SLC2A5: variants seen among roughly 807,000 people sequenced by gnomAD.
The protein encoded by SLC2A5 is solute carrier family 2, facilitated glucose transporter member 5.
In SLC2A5, 56 loss-of-function variants were observed where a neutral mutation model predicts 50.3. The observed-to-expected ratio is 1.11, with a 90% CI of 0.90 to 1.39. SLC2A5 has a LOEUF of 1.39. SLC2A5 is among the 40% of genes most tolerant of loss of function. SLC2A5 has a pLI of 0.00. For missense variants in SLC2A5, 566 were observed against 650.1 expected, an observed-to-expected ratio of 0.87 and a Z score of 1.41; for synonymous variants, 269 against 281.9, an observed-to-expected ratio of 0.95 and a Z score of 0.46.
chr1:9,042,575 T>C (rs201795303), intron 4 of SLC2A5, among the ~76,000 whole-genome samples: 2 of 37,916 alleles, frequency 5.3e-5, no homozygotes, highest in Non-Finnish European at 8.9e-5. Flanking sequence ...TGTGTGTACA[T>C]ATATATATAT....
At chr1:9,071,508 C>T (rs561227675), upstream of SLC2A5, among the ~76,000 whole-genome samples, 6 of 152,370 alleles carry the variant, frequency 3.9e-5, no homozygotes, top group South Asian at 1.2e-3. Flanking sequence ...AGATCTTCCA[C>T]TTCTCCCTGC....
rs1013802865 is a variant in SLC2A5, at chr1:9,038,931, T to A, written c.997-2A>T. ...ACCCAGGAGCTCCACCACGAACACC[T>A]ACAGGAGGGTGGCAGGGCTCAGGCG... On this transcript the variant is annotated splice_acceptor_variant, in intron 8 of 11. Coordinates refer to ENST00000377424, the MANE Select transcript of SLC2A5 (RefSeq NM_003039.3). LOFTEE classifies it high-confidence loss of function. 7.4e-6 allele frequency: 12 copies of A among 1,611,638 alleles called. No homozygotes were observed. Among genetic ancestry groups the A allele is most frequent in the Admixed American group, 3.3e-5 (2 of 59,850 alleles).
intron 2 of SLC2A5, among the ~76,000 whole-genome samples, chr1:9,079,767 G>A (rs12735499): frequency 0.28 from 41,964 of 152,080 alleles, 6,402 homozygotes; most frequent in East Asian, 0.49. Context: ...GATTACAGGC[G>A]TGAGCCACCA....
Position 9,040,440 on chromosome 1 carries a change from G to A in SLC2A5, c.572-251C>T. The stretch of plus-strand genomic sequence containing the variant: ...ACGAGGCCGGTAATACCATGTGCTG[G>A]TGAGAACGTCCCCGTGTCCTTCAGA... On this transcript the variant is annotated intron_variant, in intron 5 of 11. Transcript: ENST00000377424. This position sits in a 1 kb window ranked among gnomAD's most constrained non-coding sequence, Gnocchi z 4.3. 2.0e-6 allele frequency: 1 copy of A among 510,642 alleles called. No homozygotes were observed. Among genetic ancestry groups the A allele is most frequent in the Non-Finnish European group, 3.5e-6 (1 of 286,266 alleles). 31.6% of individuals were successfully genotyped at this position (510,642 alleles called of 1,614,324 possible).
intron 2 of SLC2A5, among the ~76,000 whole-genome samples, chr1:9,084,573 G>A (rs984536373): frequency 2.0e-5 from 3 of 152,070 alleles, no homozygotes; most frequent in African/African-American, 7.2e-5. Context: ...AATCAGCCCC[G>A]GGCCCACCAT....
intron 1 of SLC2A5, among the ~76,000 whole-genome samples, chr1:9,064,609 G>A (rs987328834): frequency 2.2e-4 from 34 of 152,186 alleles, no homozygotes; most frequent in African/African-American, 8.0e-4. Flanking sequence ...GGCCAGCAAA[G>A]CACTGAAATA....
At chr1:9,066,488 G>C (rs1283512147) in intron 1 of SLC2A5, among the ~76,000 whole-genome samples, 1 of 152,238 alleles carries the variant, frequency 6.6e-6, no homozygotes, top group Non-Finnish European at 1.5e-5. Context: ...GCTTGCCTCG[G>C]CCTCCCAAAC....
the SLC2A5 span, among the ~76,000 whole-genome samples, chr1:9,094,154 C>G: frequency 6.6e-6 from 1 of 152,188 alleles, no homozygotes; most frequent in Admixed American, 6.5e-5. Context: ...CTCTGACCAT[C>G]ACACTCACCC....
chr1:9,049,714 A>G (rs1641523191), intron 3 of SLC2A5, among the ~76,000 whole-genome samples: 1 of 151,852 alleles, frequency 6.6e-6, no homozygotes, highest in South Asian at 2.1e-4. Context: ...AAAAAAAAAA[A>G]AAAAGAATAG....
chr1:9,036,330 T>C lies in SLC2A5; in HGVS notation c.*1256A>G, dbSNP rs1641133708. On this transcript the variant is annotated 3_prime_UTR_variant, in exon 12 of 12. Coordinates refer to ENST00000377424, the MANE Select transcript of SLC2A5 (RefSeq NM_003039.3). ...CTGGGACCCCAAAGGCGTGTCACCATGCCCAATTAAAAAAATTTTTTTTGA... is the reference window on the plus strand; with the variant it reads ...CTGGGACCCCAAAGGCGTGTCACCACGCCCAATTAAAAAAATTTTTTTTGA... 1 of 152,174 alleles carries C rather than the reference T, an allele frequency of 6.6e-6. No individual in the cohort carries two copies. Among genetic ancestry groups the C allele is most frequent in the Non-Finnish European group, 1.5e-5 (1 of 68,060 alleles). 9.4% of individuals were successfully genotyped at this position (152,174 alleles called of 1,614,324 possible).
the SLC2A5 span, among the ~76,000 whole-genome samples, chr1:9,093,741 T>C: frequency 6.6e-6 from 1 of 152,114 alleles, no homozygotes; most frequent in Non-Finnish European, 1.5e-5. Flanking sequence ...ACACAATCTC[T>C]CTTGTGGCAA....
chr1:9,060,128 A>AACG (rs1288544935), intron 1 of SLC2A5, among the ~76,000 whole-genome samples: 2 of 145,126 alleles, frequency 1.4e-5, no homozygotes, highest in African/African-American at 5.2e-5. Flanking sequence ...ATACACACAC[A>AACG]CAACACACAC....
upstream of SLC2A5, among the ~76,000 whole-genome samples, chr1:9,070,559 T>C (rs1170122523): frequency 6.6e-6 from 1 of 152,102 alleles, no homozygotes; most frequent in Admixed American, 6.6e-5. Context: ...CAGCCCCCCA[T>C]GTTTGGCACT....
chr1:9,038,948 G>A lies in SLC2A5; in HGVS notation c.997-19C>T. On this transcript the variant is annotated intron_variant, in intron 8 of 11. Coordinates refer to ENST00000377424, the MANE Select transcript of SLC2A5 (RefSeq NM_003039.3). The stretch of plus-strand genomic sequence containing the variant: ...CGAACACCTACAGGAGGGTGGCAGG[G>A]CTCAGGCGGGAGAGGCCCAGCTTCA... 1.2e-6 allele frequency: 2 copies of A among 1,607,026 alleles called. No homozygotes were observed. Among genetic ancestry groups the A allele is most frequent in the Non-Finnish European group, 1.7e-6 (2 of 1,177,524 alleles).
chr1:9,043,114 G>A (rs1241387732), intron 4 of SLC2A5, among the ~76,000 whole-genome samples: 2 of 152,154 alleles, frequency 1.3e-5, no homozygotes, highest in Non-Finnish European at 2.9e-5. Context: ...GGCTGGGGAT[G>A]GAGAGGAAGT....
chr1:9,050,944 C>T (rs963290301), intron 3 of SLC2A5, among the ~76,000 whole-genome samples: 5 of 152,042 alleles, frequency 3.3e-5, no homozygotes, highest in African/African-American at 1.2e-4. Context: ...ATACATACAG[C>T]GTCAACTGGA....
chr1:9,069,359 C>G, intron 1 of SLC2A5, 145 bp downstream of exon 1: 1 of 806,282 alleles, frequency 1.2e-6, no homozygotes, highest in African/African-American at 1.7e-5. Context: ...CTGGACAAGA[C>G]TTTCCCCCTC....
At chr1:9,069,386 T>A in intron 1 of SLC2A5, 118 bp downstream of exon 1, 1 of 1,056,242 alleles carries the variant, frequency 9.5e-7, no homozygotes, top group Non-Finnish European at 1.4e-6. Context: ...CCATAATCCC[T>A]CCCAACACAG....
intron 8 of SLC2A5, 108 bp from the exon 9 acceptor site, chr1:9,039,037 C>A: frequency 8.0e-7 from 1 of 1,250,390 alleles, no homozygotes; most frequent in African/African-American, 1.5e-5. Context: ...GGTGCCCACC[C>A]ATGTGCACGC....
Sources: gnomAD v4.1 joint callset for allele counts (sites outside exome capture counted in the v4.1 genomes callset) on GRCh38, gnomAD v4.1.1 for gene constraint, Gnocchi (gnomAD v3.1) non-coding constraint, MANE v1.5 for transcripts, NCBI Gene and HGNC (gene_info 2026-07-23, HGNC 2026-07-21) for gene names.